The following ADCY2 variants were observed in gnomAD, a reference collection of about 807,000 sequenced individuals.
The protein encoded by ADCY2 is adenylate cyclase type 2.
In ADCY2, 31 loss-of-function variants were observed where a neutral mutation model predicts 125.2. That is an observed-to-expected ratio of 0.25 (90% CI 0.19 to 0.33). ADCY2 has a LOEUF of 0.33. Ranked by LOEUF, ADCY2 falls within the 10% of genes least tolerant of loss-of-function variation. The pLI is 1.00. For missense variants in ADCY2, 904 were observed against 1,418.2 expected (o/e 0.64, Z 5.82); for synonymous variants, 512 against 548.4 (o/e 0.93, Z 0.93).
intron 11 of ADCY2, among the ~76,000 whole-genome samples, chr5:7,714,989 G>A (rs1402800221): frequency 1.3e-5 from 2 of 152,214 alleles, no homozygotes; most frequent in African/African-American, 4.8e-5. Flanking sequence ...AGAGCAGTGG[G>A]AAGGCCAATG....
At chr5:7,747,068 A>T (rs529061667) in intron 15 of ADCY2, among the ~76,000 whole-genome samples, 3 of 152,246 alleles carry the variant, frequency 2.0e-5, no homozygotes, top group Admixed American at 1.3e-4. Flanking sequence ...CATGGCAGGC[A>T]TTTCTTTTCT....
At chr5:7,749,960 TG>T (rs1742753209) in intron 15 of ADCY2, among the ~76,000 whole-genome samples, 1 of 152,190 alleles carries the variant, frequency 6.6e-6, no homozygotes. Context: ...AGTATTTGCC[TG>T]GTGTTCCTTG....
intron 2 of ADCY2, among the ~76,000 whole-genome samples, chr5:7,514,739 G>A (rs1744194394): frequency 6.6e-6 from 1 of 152,196 alleles, no homozygotes; most frequent in Non-Finnish European, 1.5e-5. Flanking sequence ...ACACGGAGAA[G>A]AGAACGCTGT....
intron 16 of ADCY2, among the ~76,000 whole-genome samples, chr5:7,758,848 A>T (rs4380617): frequency 0.48 from 73,005 of 152,060 alleles, 18,667 homozygotes; most frequent in East Asian, 0.67. Flanking sequence ...GGATGTTTGC[A>T]TCTGGGACAA....
At chr5:7,542,361 GAA>G in intron 3 of ADCY2, among the ~76,000 whole-genome samples, 1 of 147,302 alleles carries the variant, frequency 6.8e-6, no homozygotes, top group Non-Finnish European at 1.5e-5. Flanking sequence ...AAATATTACA[GAA>G]AAAAAAAAAT....
rs533727544 is a variant in ADCY2, at chr5:7,719,395, G to T, written c.1703+2158G>T. Among the ~76,000 whole-genome samples, 10 of 152,246 alleles carry T rather than the reference G, an allele frequency of 6.6e-5. No homozygotes were observed. In the East Asian group the frequency reaches 1.5e-3, roughly 24 times the overall value. On this transcript the variant is annotated intron_variant, in intron 12 of 24. Coordinates refer to ENST00000338316, the MANE Select transcript of ADCY2 (RefSeq NM_020546.3). ...TGGAAGCTCTTATGCATATATTTTT[G>T]ATTAACCTCAGTTACACTTTGTTAT...
chr5:7,673,439 A>C (rs1740010489), intron 4 of ADCY2, among the ~76,000 whole-genome samples: 1 of 151,172 alleles, frequency 6.6e-6, no homozygotes, highest in Non-Finnish European at 1.5e-5. Flanking sequence ...CTCCGTCTCA[A>C]AACAAAACAA....
At chr5:7,567,054 A>G (rs958438921) in intron 3 of ADCY2, among the ~76,000 whole-genome samples, 3 of 152,210 alleles carry the variant, frequency 2.0e-5, no homozygotes, top group African/African-American at 4.8e-5. Flanking sequence ...ATCTGTGTCT[A>G]TCATTGGCAT....
chr5:7,771,151 G>A (rs923277539), intron 17 of ADCY2, among the ~76,000 whole-genome samples: 11 of 152,074 alleles, frequency 7.2e-5, no homozygotes, highest in African/African-American at 2.7e-4. Context: ...AGGTGACAAG[G>A]GCTGAACTCT....
chr5:7,457,769 T>C (rs1253079619), intron 2 of ADCY2, among the ~76,000 whole-genome samples: 8 of 152,158 alleles, frequency 5.3e-5, no homozygotes, highest in Admixed American at 5.2e-4. Context: ...CCAAAACGCT[T>C]CCTCATTTTT....
intron 2 of ADCY2, among the ~76,000 whole-genome samples, chr5:7,475,629 G>A (rs1024267105): frequency 6.6e-6 from 1 of 152,122 alleles, no homozygotes; most frequent in Non-Finnish European, 1.5e-5. Flanking sequence ...CGATCCACCC[G>A]CCTCGGCCTC....
chr5:7,676,730 C>G (rs1487865774), intron 4 of ADCY2, among the ~76,000 whole-genome samples: 1 of 152,090 alleles, frequency 6.6e-6, no homozygotes, highest in Non-Finnish European at 1.5e-5. Context: ...GCGTATTCAC[C>G]CTATGTCCTC....
chr5:7,567,351 A>AT (rs34671044), intron 3 of ADCY2, among the ~76,000 whole-genome samples: 22,611 of 152,166 alleles, frequency 0.15, 2,216 homozygotes, highest in Non-Finnish European at 0.21. Flanking sequence ...TCTGCAATGG[A>AT]TTTTAGCATT....
intron 2 of ADCY2, among the ~76,000 whole-genome samples, chr5:7,435,117 C>T (rs773394161): frequency 3.3e-5 from 5 of 152,088 alleles, no homozygotes; most frequent in Non-Finnish European, 5.9e-5. Context: ...CAACAGAATC[C>T]GAGGAGTATC....
intron 4 of ADCY2, among the ~76,000 whole-genome samples, chr5:7,687,826 T>G (rs16878974): frequency 0.013 from 1,988 of 152,296 alleles, 51 homozygotes; most frequent in African/African-American, 0.046. Flanking sequence ...GTTGACTGAT[T>G]GTTTTAAATT....
At chr5:7,667,061 G>GA (rs1461683176) in intron 4 of ADCY2, among the ~76,000 whole-genome samples, 2 of 152,168 alleles carry the variant, frequency 1.3e-5, no homozygotes. Flanking sequence ...TCAAGAGATG[G>GA]ATGGATGAAG....
intron 2 of ADCY2, among the ~76,000 whole-genome samples, chr5:7,428,360 A>G (rs1740464791): frequency 6.6e-6 from 1 of 152,210 alleles, no homozygotes; most frequent in Non-Finnish European, 1.5e-5. Flanking sequence ...AGGGGGAAAA[A>G]CACCAAAAAC....
chr5:7,620,338 G>A (rs1737914169), intron 3 of ADCY2, among the ~76,000 whole-genome samples: 1 of 152,134 alleles, frequency 6.6e-6, no homozygotes, highest in African/African-American at 2.4e-5. Context: ...CAGTCTTTTA[G>A]CCCAAAGCCC....
At position 7,802,245 on chromosome 5, in the gene ADCY2, G is replaced by A. The variant is rs326146; in HGVS notation, c.2656G>A (p.Val886Ile). 1.3e-5 allele frequency: 21 copies of A among 1,613,842 alleles called. No individual in the cohort carries two copies. The highest frequency in any genetic ancestry group is 5.3e-5 in the African/African-American group (4 of 74,918). Residue 886 changes from valine (V) to isoleucine (I), a missense_variant, in exon 21 of 25, where the codon GTC (valine) becomes ATC (isoleucine). This residue lies in a region of ADCY2 where 181 missense variants were observed against 381.6 expected (regional missense o/e 0.47). Transcript: ENST00000338316. This position sits in a 1 kb window ranked among gnomAD's most constrained non-coding sequence, Gnocchi z 4.6. The part of the protein sequence containing the change: ...EELYHQSYDC[V>I]CVMFASIPDF... ...GCTATACCACCAGTCCTATGACTGC[G>A]TCTGCGTCATGTTTGCCTCCATTCC...
Sources: allele counts gnomAD v4.1 joint callset (sites outside exome capture counted in the v4.1 genomes callset), GRCh38; gene constraint gnomAD v4.1.1; regional missense constraint gnomAD v4.1.1; non-coding constraint Gnocchi (gnomAD v3.1); transcripts MANE v1.5; gene names NCBI Gene and HGNC (gene_info 2026-07-23, HGNC 2026-07-21).